TRHDE: variants seen among roughly 807,000 people sequenced by gnomAD.
The protein encoded by TRHDE is thyrotropin releasing hormone degrading enzyme.
In TRHDE, 72 loss-of-function variants were observed where a neutral mutation model predicts 125.7. The ratio of observed to expected loss-of-function variants is 0.57; its 90% confidence interval spans 0.47 to 0.70. The LOEUF (loss-of-function observed/expected upper bound fraction) is 0.70. Ranked by LOEUF, TRHDE falls within the 30% of genes least tolerant of loss-of-function variation. The pLI is 0.00. For missense variants in TRHDE, 1,110 were observed against 1,327.1 expected (o/e 0.84, Z 2.54); for synonymous variants, 509 against 509.1 (o/e 1.00, Z 0.00).
intron 10 of TRHDE, among the ~76,000 whole-genome samples, chr12:72,570,641 G>A (rs1870676763): frequency 7.6e-6 from 1 of 131,762 alleles, no homozygotes; most frequent in South Asian, 2.2e-4. Flanking sequence ...CAATAGCCAC[G>A]GGTTATGTTT....
At chr12:72,581,058 A>T (rs922082608) in intron 12 of TRHDE, among the ~76,000 whole-genome samples, 5 of 152,216 alleles carry the variant, frequency 3.3e-5, no homozygotes, top group Middle Eastern at 3.2e-3. Context: ...AAAGCAAAAA[A>T]AAAAGTATAA....
intron 15 of TRHDE, among the ~76,000 whole-genome samples, chr12:72,627,884 G>T (rs1003250453): frequency 1.4e-5 from 2 of 148,072 alleles, no homozygotes; most frequent in South Asian, 2.1e-4. Flanking sequence ...TCACTATATT[G>T]CCCAGGCTTG....
chr12:72,439,439 T>C (rs1028352838), intron 3 of TRHDE, among the ~76,000 whole-genome samples: 39 of 151,944 alleles, frequency 2.6e-4, no homozygotes, highest in African/African-American at 9.4e-4. Flanking sequence ...GAACATGGGA[T>C]TTTTTTCCAT....
Position 72,158,527 on chromosome 12 carries a change from T to A in TRHDE, n.279+52775T>A, listed in dbSNP as rs1592463463. Among the ~76,000 whole-genome samples, 3 of 152,228 alleles carry A rather than the reference T, an allele frequency of 2.0e-5. No individual in the cohort carries two copies. The South Asian group carries it at 6.2e-4, about 32-fold the overall frequency. On this transcript the variant is annotated intron_variant and non_coding_transcript_variant, in intron 2 of 4. Coordinates refer to the TRHDE transcript ENST00000548156. The stretch of plus-strand genomic sequence containing the variant: ...TTATTTTTATATTAGAAACAATAAT[T>A]GTTTATCAAATATGTTGTAACTTTT...
intron 2 of TRHDE, among the ~76,000 whole-genome samples, chr12:72,249,418 G>A (rs569198276): frequency 1.3e-4 from 20 of 152,140 alleles, no homozygotes; most frequent in Non-Finnish European, 2.6e-4. Flanking sequence ...TGGGCATGGT[G>A]GTATGTACCT....
chr12:72,544,577 T>G lies in TRHDE; in HGVS notation c.1788+2221T>G, dbSNP rs189153802. On this transcript the variant is annotated intron_variant, in intron 7 of 18. Coordinates refer to ENST00000261180, the MANE Select transcript of TRHDE (RefSeq NM_013381.3). ...TTTCTCTTTTTCTCTCTTGCTCTCT[T>G]TTCTTCCTTTCTTCTTTTTTTCTGG... Among the ~76,000 whole-genome samples, 442 of 151,506 alleles carry G rather than the reference T, an allele frequency of 2.9e-3. 3 individuals carry two copies. Among genetic ancestry groups the G allele is most frequent in the Non-Finnish European group, 4.7e-3 (320 of 67,568 alleles).
At chr12:72,476,999 G>T (rs1215567101) in intron 5 of TRHDE, among the ~76,000 whole-genome samples, 1 of 152,082 alleles carries the variant, frequency 6.6e-6, no homozygotes, top group African/African-American at 2.4e-5. Flanking sequence ...GGTTTTACAG[G>T]AAGTATGATA....
At chr12:72,471,204 C>A (rs1224421051) in intron 4 of TRHDE, among the ~76,000 whole-genome samples, 4 of 151,956 alleles carry the variant, frequency 2.6e-5, no homozygotes, top group Non-Finnish European at 5.9e-5. Flanking sequence ...TTGCACTGAA[C>A]CTGTAAGATG....
intron 3 of TRHDE, among the ~76,000 whole-genome samples, chr12:72,380,805 T>TCCTG (rs1345837090): frequency 4.4e-5 from 6 of 135,610 alleles, no homozygotes; most frequent in African/African-American, 1.8e-4. Context: ...CTTCCTTCCT[T>TCCTG]CCTTCCTTCC....
intron 2 of TRHDE, among the ~76,000 whole-genome samples, chr12:72,175,910 C>T (rs934110780): frequency 3.0e-4 from 45 of 152,262 alleles, no homozygotes; most frequent in African/African-American, 6.0e-4. Flanking sequence ...TGGAAGCAGA[C>T]GCTGAGATGG....
At chr12:72,453,533 C>T (rs980043867) in intron 3 of TRHDE, among the ~76,000 whole-genome samples, 1 of 152,138 alleles carries the variant, frequency 6.6e-6, no homozygotes, top group African/African-American at 2.4e-5. Context: ...AGCCCATTTT[C>T]AGGAGAAAAA....
intron 2 of TRHDE, among the ~76,000 whole-genome samples, chr12:72,161,812 C>T (rs1228684734): frequency 6.6e-6 from 1 of 152,128 alleles, no homozygotes; most frequent in Non-Finnish European, 1.5e-5. Context: ...CAAAGGAATC[C>T]AGGAAAACTT....
intron 12 of TRHDE, 118 bp from the exon 13 acceptor site, chr12:72,618,773 T>A (rs570002843): frequency 1.3e-6 from 1 of 785,900 alleles, no homozygotes; most frequent in South Asian, 3.1e-5. Flanking sequence ...TTTATTCTTA[T>A]AACACTGAAT....
chr12:72,112,671 C>A (rs561982833), intron 2 of TRHDE, among the ~76,000 whole-genome samples: 1 of 152,118 alleles, frequency 6.6e-6, no homozygotes, highest in Non-Finnish European at 1.5e-5. Flanking sequence ...TGGTTAACAT[C>A]GTAAGAATTC....
chr12:72,518,745 G>A (rs1379779621), intron 6 of TRHDE, among the ~76,000 whole-genome samples: 1 of 152,106 alleles, frequency 6.6e-6, no homozygotes, highest in Non-Finnish European at 1.5e-5. Context: ...TAGCCTCGAT[G>A]GTCTTTACAT....
chr12:72,442,759 G>A (rs1592448239), intron 3 of TRHDE, among the ~76,000 whole-genome samples: 1 of 151,764 alleles, frequency 6.6e-6, no homozygotes, highest in East Asian at 1.9e-4. Context: ...TCCCATGTAA[G>A]GAGTTGGCCT....
chr12:72,315,100 A>T (rs1868734979), intron 2 of TRHDE, among the ~76,000 whole-genome samples: 1 of 152,176 alleles, frequency 6.6e-6, no homozygotes, highest in Non-Finnish European at 1.5e-5. Flanking sequence ...TTTAACCCTT[A>T]GCTTTTTAAA....
In TRHDE at chr12:72,668,288, A is replaced by T. The variant is rs1293016347; in HGVS notation, c.*5093A>T. ...AAGGAAAGTTTTTAAACTGTCTTAAATATTTAATAAAAGCAGTTGTTAAAA... is the reference window on the plus strand; with the variant it reads ...AAGGAAAGTTTTTAAACTGTCTTAATTATTTAATAAAAGCAGTTGTTAAAA... On this transcript the variant is annotated 3_prime_UTR_variant, in exon 19 of 19. Transcript: ENST00000261180. 6.6e-6 allele frequency: 1 copy of T among 151,780 alleles called. No homozygotes were observed. The highest frequency in any genetic ancestry group is 1.5e-5 in the Non-Finnish European group (1 of 67,766). The allele number at this position is 151,780 out of a possible 1,614,324, so 9.4% of individuals were successfully genotyped here.
Position 72,312,667 on chromosome 12 carries a change from C to T in TRHDE, c.1188+25713C>T, listed in dbSNP as rs1436855378. Reference sequence around the variant, plus strand: ...GGGAGGTCACGAATTTACCAGATTTCATTGGGCTATATTATTCTCTCAAAC... The same window carrying T: ...GGGAGGTCACGAATTTACCAGATTTTATTGGGCTATATTATTCTCTCAAAC... On this transcript the variant is annotated intron_variant, in intron 2 of 18. Coordinates refer to ENST00000261180, the MANE Select transcript of TRHDE (RefSeq NM_013381.3). Among the ~76,000 whole-genome samples, 7 of 152,252 alleles carry T rather than the reference C, an allele frequency of 4.6e-5. No homozygotes were observed. The South Asian group carries it at 1.5e-3, about 32-fold the overall frequency.
Sources: allele counts gnomAD v4.1 joint callset (sites outside exome capture counted in the v4.1 genomes callset), GRCh38; gene constraint gnomAD v4.1.1; transcripts MANE v1.5; gene names NCBI Gene and HGNC (gene_info 2026-07-23, HGNC 2026-07-21).